The following DPP10 variants were observed in gnomAD, a reference collection of about 807,000 sequenced individuals.
The protein encoded by DPP10 is inactive dipeptidyl peptidase 10.
Under a neutral mutation model 120.9 loss-of-function variants are expected in DPP10, and 33 were observed. That is an observed-to-expected ratio of 0.27 (90% confidence interval 0.21 to 0.37). DPP10 has a LOEUF of 0.37. Among genes scored for constraint, DPP10 ranks in the 10% least tolerant of loss-of-function variants. The pLI is 1.00. For missense variants in DPP10, 816 were observed against 942.8 expected, an observed-to-expected ratio of 0.87 and a Z score of 1.76; for synonymous variants, 337 against 326.1, an observed-to-expected ratio of 1.03 and a Z score of -0.36.
chr2:114,453,689 C>T (rs753488971), intron 1 of DPP10, among the ~76,000 whole-genome samples: 7 of 152,118 alleles, frequency 4.6e-5, no homozygotes, highest in African/African-American at 1.7e-4. Context: ...AGCAAGCACT[C>T]ACCTAAAGAC....
intron 17 of DPP10, among the ~76,000 whole-genome samples, chr2:115,787,755 C>G (rs1207865640): frequency 6.6e-6 from 1 of 152,104 alleles, no homozygotes; most frequent in Non-Finnish European, 1.5e-5. Flanking sequence ...AATAAAACCA[C>G]ACTAGCGCAC....
At chr2:115,714,454 A>G (rs1027597451) in intron 7 of DPP10, among the ~76,000 whole-genome samples, 2 of 152,210 alleles carry the variant, frequency 1.3e-5, no homozygotes, top group Non-Finnish European at 2.9e-5. Context: ...GCCAGTTTTT[A>G]GGTGGAACTA....
intron 1 of DPP10, among the ~76,000 whole-genome samples, chr2:114,763,794 A>C (rs915007937): frequency 7.2e-5 from 11 of 152,328 alleles, no homozygotes; most frequent in Non-Finnish European, 1.3e-4. Context: ...CTAGCTTTAC[A>C]TAGGCTGATA....
chr2:115,145,133 A>AT (rs1553499780), intron 1 of DPP10: 2 of 151,954 alleles, frequency 1.3e-5, no homozygotes, highest in Non-Finnish European at 2.9e-5. Context: ...TTCTTTTGTG[A>AT]TATGTGTGTC....
rs571929282 is a variant in DPP10 at position 115,270,960 on chromosome 2, A to G, written c.61-38279A>G. On this transcript the variant is annotated intron_variant, in intron 1 of 25. Transcript: ENST00000410059. ...CATTTTTTTATTCCACTTTGGAGAA[A>G]ACAACAACACTAAGAAATGTCAAAA... 1.5e-3 allele frequency among the ~76,000 whole-genome samples: 227 copies of G among 152,284 alleles called. 1 individual carries two copies. Among genetic ancestry groups the G allele is most frequent in the African/African-American group, 5.2e-3 (218 of 41,548 alleles).
At chr2:115,187,561 T>C (rs2054554610) in intron 1 of DPP10, among the ~76,000 whole-genome samples, 1 of 152,124 alleles carries the variant, frequency 6.6e-6, no homozygotes, top group Non-Finnish European at 1.5e-5. Context: ...ATTAATATAA[T>C]GGGAAAGTGA....
At chr2:115,270,910 A>G (rs1263483651) in intron 1 of DPP10, among the ~76,000 whole-genome samples, 1 of 152,112 alleles carries the variant, frequency 6.6e-6, no homozygotes, top group Admixed American at 6.6e-5. Context: ...GTTTATCTTC[A>G]TTAAAAAGCT....
intron 1 of DPP10, among the ~76,000 whole-genome samples, chr2:115,192,185 A>G (rs2054930218): frequency 6.6e-6 from 1 of 152,366 alleles, no homozygotes; most frequent in East Asian, 1.9e-4. Flanking sequence ...ACTTGGGTAT[A>G]ATATTTTCAA....
At chr2:115,443,182 T>C (rs1164668216) in intron 3 of DPP10, among the ~76,000 whole-genome samples, 1 of 152,194 alleles carries the variant, frequency 6.6e-6, no homozygotes, top group Non-Finnish European at 1.5e-5. Flanking sequence ...TGTACAAATA[T>C]TTTAGCATGA....
chr2:114,583,196 A>G (rs1015084519), intron 1 of DPP10, among the ~76,000 whole-genome samples: 5 of 152,196 alleles, frequency 3.3e-5, no homozygotes, highest in African/African-American at 4.8e-5. Flanking sequence ...TTGTAATCAT[A>G]GCTTGGAATT....
intron 1 of DPP10, among the ~76,000 whole-genome samples, chr2:115,021,284 G>T (rs1703056881): frequency 6.6e-6 from 1 of 151,984 alleles, no homozygotes; most frequent in Admixed American, 6.6e-5. Context: ...GATTAACCAA[G>T]AAAAGAATAG....
chr2:114,732,773 T>C lies in DPP10; in HGVS notation c.60+289935T>C, dbSNP rs72830378. ...AATGGCCGATAGTATACTCTTACTA[T>C]ATGCCAAGCATTTTACTTGCATGTT... On this transcript the variant is annotated intron_variant, in intron 1 of 25. Transcript: ENST00000410059. 6.6e-3 allele frequency among the ~76,000 whole-genome samples: 1,009 copies of C among 152,332 alleles called. 6 individuals carry two copies. The highest frequency in any genetic ancestry group is 0.01 in the Middle Eastern group (3 of 294).
At chr2:114,653,042 G>GTA (rs1211902558) in intron 1 of DPP10, among the ~76,000 whole-genome samples, 1 of 151,706 alleles carries the variant, frequency 6.6e-6, no homozygotes, top group Non-Finnish European at 1.5e-5. Flanking sequence ...GTGTGTGTGT[G>GTA]TGTGTGTGTG....
intron 1 of DPP10, among the ~76,000 whole-genome samples, chr2:115,132,216 G>C (rs1325487371): frequency 6.6e-6 from 1 of 152,142 alleles, no homozygotes; most frequent in African/African-American, 2.4e-5. Context: ...TAAGATTGGG[G>C]GTGTTGTGAT....
chr2:115,374,418 G>A (rs2065635447), intron 3 of DPP10, among the ~76,000 whole-genome samples: 1 of 152,178 alleles, frequency 6.6e-6, no homozygotes, highest in Admixed American at 6.5e-5. Context: ...CCCTTTGGCT[G>A]CTTTCATAGG....
At chr2:115,779,959 A>G (rs1430871610) in intron 15 of DPP10, among the ~76,000 whole-genome samples, 1 of 151,940 alleles carries the variant, frequency 6.6e-6, no homozygotes, top group Non-Finnish European at 1.5e-5. Flanking sequence ...AGCTGCCTTA[A>G]CACCCCTGTT....
chr2:115,558,130 C>G (rs17044687), intron 5 of DPP10, among the ~76,000 whole-genome samples: 30,266 of 152,000 alleles, frequency 0.2, 3,573 homozygotes, highest in East Asian at 0.4. Context: ...CCTATTTCAC[C>G]CTGAAAACAA....
At chr2:114,838,251 T>C (rs1341106123) in intron 1 of DPP10, among the ~76,000 whole-genome samples, 3 of 152,144 alleles carry the variant, frequency 2.0e-5, no homozygotes, top group Admixed American at 6.5e-5. Flanking sequence ...ACTAATAGCA[T>C]ATGCCACAGA....
chr2:114,631,968 C>T (rs191488128), intron 1 of DPP10, among the ~76,000 whole-genome samples: 31 of 152,198 alleles, frequency 2.0e-4, no homozygotes, highest in African/African-American at 7.2e-4. Flanking sequence ...TATTCCACTC[C>T]ATTTTTTAAA....
Sources: allele counts gnomAD v4.1 joint callset (sites outside exome capture counted in the v4.1 genomes callset), GRCh38; gene constraint gnomAD v4.1.1; transcripts MANE v1.5; gene names NCBI Gene and HGNC (gene_info 2026-07-23, HGNC 2026-07-21).